The following RARS2 variants were observed in gnomAD, a reference collection of about 807,000 sequenced individuals.
RARS2 encodes the protein arginyl-tRNA synthetase 2, mitochondrial.
RARS2 carries 67 observed loss-of-function variants against 88.5 expected under a neutral mutation model. That is an observed-to-expected ratio of 0.76 (90% CI 0.62 to 0.93). The LOEUF (loss-of-function observed/expected upper bound fraction) is 0.93. Ranked by LOEUF, RARS2 falls within the 40% of genes least tolerant of loss-of-function variation. The pLI, the probability that RARS2 is intolerant of heterozygous loss-of-function variation, is 0.00. For missense variants in RARS2, 664 were observed against 684.2 expected (o/e 0.97, Z 0.33); for synonymous variants, 239 against 230.3 (o/e 1.04, Z -0.34).
intron 16 of RARS2, 137 bp from the exon 17 acceptor site, chr6:87,518,401 A>G (rs1458311942): frequency 2.0e-6 from 3 of 1,523,338 alleles, no homozygotes; most frequent in African/African-American, 1.4e-5. Flanking sequence ...AGGTAACAGT[A>G]TATTTTTCGA....
chr6:87,545,764 T>C, intron 6 of RARS2, 65 bp from the exon 7 acceptor site: 1 of 1,541,146 alleles, frequency 6.5e-7, no homozygotes, highest in Non-Finnish European at 8.8e-7. Flanking sequence ...AAGAACCATG[T>C]ACTTCTCTAT....
chr6:87,527,200 T>C (rs1340199160), intron 10 of RARS2, among the ~76,000 whole-genome samples: 1 of 151,846 alleles, frequency 6.6e-6, no homozygotes, highest in Non-Finnish European at 1.5e-5. Flanking sequence ...TCCCAGCTAC[T>C]TGGGAGGCTG....
rs2128125883 is a variant in RARS2, at chr6:87,548,243, A to G, written c.451+348T>C. ...AAGTGACAAAAAAACCACAAAATAA[A>G]TGAACAAAAAAATCTGAAAGGTTAT... On this transcript the variant is annotated intron_variant, in intron 6 of 19. Transcript: ENST00000369536. Among the ~76,000 whole-genome samples, 3 of 152,268 alleles carry G rather than the reference A, an allele frequency of 2.0e-5. No homozygotes were observed. In the South Asian group the frequency reaches 6.2e-4, roughly 32 times the overall value.
Position 87,518,747 on chromosome 6 carries a change from G to A in RARS2, c.1306-8C>T, listed in dbSNP as rs375589432. 1.7e-4 allele frequency: 278 copies of A among 1,612,956 alleles called. 1 individual carries two copies. The highest frequency in any genetic ancestry group is 2.2e-4 in the Non-Finnish European group (261 of 1,179,058). On this transcript the variant is annotated splice_region_variant and splice_polypyrimidine_tract_variant and intron_variant, in intron 15 of 19. Transcript: ENST00000369536. Reference sequence around the variant, plus strand: ...GAGTAAACCTTTGAAGTCCTAAAACGACAGAGGAAATCTTCACTGCTGGGA... The same window carrying A: ...GAGTAAACCTTTGAAGTCCTAAAACAACAGAGGAAATCTTCACTGCTGGGA...
chr6:87,536,641 AAAAAAAAAAGAAAG>A (rs1344837779), intron 8 of RARS2, among the ~76,000 whole-genome samples: 1 of 151,880 alleles, frequency 6.6e-6, no homozygotes, highest in Admixed American at 6.6e-5. Flanking sequence ...CATCACGAAA[AAAAAAAAAAGAAAG>A]AAAAAAAAAG....
In RARS2 at chr6:87,519,619, G is replaced by C. The variant is rs1773180542; in HGVS notation, c.1201C>G (p.Gln401Glu). 1.2e-6 allele frequency: 2 copies of C among 1,612,548 alleles called. No individual in the cohort carries two copies. Among genetic ancestry groups the C allele is most frequent in the African/African-American group, 1.3e-5 (1 of 74,894 alleles). Residue 401 changes from glutamine to glutamate, a missense_variant, in exon 14 of 20, where the codon CAA becomes GAA. Transcript: ENST00000369536. ...GCCATGTTCTGTAGCATCCTTAATTGAATCTCATTTAAAACATCTTCCAGG... is the reference window on the plus strand; with the variant it reads ...GCCATGTTCTGTAGCATCCTTAATTCAATCTCATTTAAAACATCTTCCAGG... ...TFLEDVLNEI[Q>E]LRMLQNMASI...
chr6:87,538,419 A>G (rs1367866095), intron 8 of RARS2, among the ~76,000 whole-genome samples: 6 of 152,198 alleles, frequency 3.9e-5, no homozygotes, highest in Non-Finnish European at 8.8e-5. Flanking sequence ...AACCTCTAAC[A>G]TAGATGTTGA....
chr6:87,526,561 A>G (rs1165725056), intron 10 of RARS2, among the ~76,000 whole-genome samples: 1 of 151,924 alleles, frequency 6.6e-6, no homozygotes, highest in Non-Finnish European at 1.5e-5. Context: ...TAATCTCAAC[A>G]TCTACTACAA....
intron 1 of RARS2, among the ~76,000 whole-genome samples, chr6:87,589,382 CAATTTTGT>C (rs1260578007): frequency 2.6e-5 from 4 of 152,160 alleles, no homozygotes; most frequent in Non-Finnish European, 5.9e-5. Context: ...AATTATATTG[CAATTTTGT>C]AAGCCCTTCC....
At chr6:87,550,710 A>G (rs1193553630) in intron 5 of RARS2, among the ~76,000 whole-genome samples, 10 of 108,842 alleles carry the variant, frequency 9.2e-5, no homozygotes, top group East Asian at 2.1e-4. Context: ...CCGATTTAAG[A>G]AAAAAAAAAA....
intron 12 of RARS2, among the ~76,000 whole-genome samples, chr6:87,521,077 G>A (rs780965489): frequency 3.9e-5 from 6 of 152,114 alleles, no homozygotes; most frequent in Non-Finnish European, 7.4e-5. Flanking sequence ...CTATGGTTAT[G>A]TACTATCTTT....
At chr6:87,579,715 G>GTTTTTTTTTT (rs35014020) in intron 1 of RARS2, among the ~76,000 whole-genome samples, 1 of 60,460 alleles carries the variant, frequency 1.7e-5, no homozygotes, top group African/African-American at 8.0e-5. Flanking sequence ...CATAGAGCAT[G>GTTTTTTTTTT]TTTTTTTTTT....
intron 1 of RARS2, chr6:87,584,659 C>T: frequency 2.2e-6 from 1 of 459,158 alleles, no homozygotes; most frequent in South Asian, 1.6e-5. Context: ...CAAATCTACC[C>T]TCAAAAGACT....
chr6:87,514,559 T>C, intron 19 of RARS2, 60 bp from the exon 20 acceptor site: 1 of 1,378,138 alleles, frequency 7.3e-7, no homozygotes, highest in Non-Finnish European at 1.0e-6. Flanking sequence ...ATTCAATACA[T>C]GAGAATGGTT....
intron 6 of RARS2, among the ~76,000 whole-genome samples, chr6:87,546,018 A>G (rs982973150): frequency 1.3e-5 from 2 of 152,030 alleles, no homozygotes; most frequent in Non-Finnish European, 2.9e-5. Context: ...AAAAAAAAAA[A>G]TCCCAGTAAT....
At chr6:87,587,435 T>C (rs961858959) in intron 1 of RARS2, among the ~76,000 whole-genome samples, 50 of 152,226 alleles carry the variant, frequency 3.3e-4, no homozygotes, top group Non-Finnish European at 5.6e-4. Flanking sequence ...CCAATGACTC[T>C]ATATTCAGAG....
At chr6:87,567,498 T>C (rs1178069572) in intron 2 of RARS2, among the ~76,000 whole-genome samples, 1 of 152,166 alleles carries the variant, frequency 6.6e-6, no homozygotes, top group Non-Finnish European at 1.5e-5. Context: ...AGACAGAAAA[T>C]AAAATCGAGA....
chr6:87,589,608 T>C, intron 1 of RARS2: 1 of 926,346 alleles, frequency 1.1e-6, no homozygotes. Flanking sequence ...CACTAACTTC[T>C]ATGGGGTCTA....
chr6:87,577,812 C>T (rs1043601725), intron 1 of RARS2, among the ~76,000 whole-genome samples: 15 of 152,148 alleles, frequency 9.9e-5, no homozygotes, highest in Non-Finnish European at 7.4e-5. Flanking sequence ...GACGGTGATG[C>T]TGTCTAAATT....
Sources: gnomAD v4.1 joint callset for allele counts (sites outside exome capture counted in the v4.1 genomes callset) on GRCh38, gnomAD v4.1.1 for gene constraint, MANE v1.5 for transcripts, NCBI Gene and HGNC (gene_info 2026-07-23, HGNC 2026-07-21) for gene names.